Variants in LANCL2 observed in about 807,000 individuals in gnomAD.
The protein encoded by LANCL2 is LanC like glutathione S-transferase 2.
In LANCL2, 33 loss-of-function variants were observed where a neutral mutation model predicts 56.9. The ratio of observed to expected loss-of-function variants is 0.58; its 90% CI spans 0.44 to 0.78. The LOEUF is 0.78. LANCL2 is among the 30% of genes least tolerant of loss of function. The pLI is 0.00. For synonymous variants in LANCL2, 233 were observed against 228.2 expected, an observed-to-expected ratio of 1.02 and a Z score of -0.19; for missense variants, 562 against 580.2, an observed-to-expected ratio of 0.97 and a Z score of 0.32.
Position 55,401,185 on chromosome 7 carries a change from T to C in LANCL2, c.690T>C (p.Ala230=), listed in dbSNP as rs776682181. The change falls in exon 5 of 9, where the codon GCT becomes GCC. Residue 230 remains alanine, a synonymous_variant. Transcript: ENST00000254770. The stretch of plus-strand genomic sequence containing the variant: ...TGTTATCTCTGTAGGTAGTCAATGC[T>C]ATTATTGAATCGGGTAAGACTTTGT... ...CESAIKEVVN[A]IIESGKTLSR... 6.2e-7 allele frequency: 1 copy of C among 1,614,082 alleles called. No homozygotes were observed. The highest frequency in any genetic ancestry group is 8.5e-7 in the Non-Finnish European group (1 of 1,179,946).
intron 7 of LANCL2, 58 bp from the exon 8 acceptor site, chr7:55,428,313 CATTT>C: frequency 1.4e-6 from 2 of 1,433,674 alleles, no homozygotes; most frequent in East Asian, 4.5e-5. Flanking sequence ...ATTGCATTCT[CATTT>C]ATTGCCTTTT....
In LANCL2 at chr7:55,412,188, T is replaced by C. The variant is rs1246215722; in HGVS notation, c.1008+99T>C. ...TTGGTAAGGCCATTTGACTGTACAC[T>C]AAAAACCTTTTAGAATGATTGTTTT... On this transcript the variant is annotated intron_variant, in intron 6 of 8. Transcript: ENST00000254770. 2.6e-5 allele frequency: 28 copies of C among 1,070,904 alleles called. 1 individual carries two copies. The South Asian group carries it at 3.2e-4, about 12-fold the overall frequency. 66.3% of individuals were successfully genotyped at this position (1,070,904 alleles called of 1,614,324 possible). A position where few individuals can be genotyped will look rare whatever the true frequency, so the allele number is the denominator to read the frequency against.
At chr7:55,421,586 G>A (rs1304325701) in intron 6 of LANCL2, among the ~76,000 whole-genome samples, 1 of 152,000 alleles carries the variant, frequency 6.6e-6, no homozygotes, top group African/African-American at 2.4e-5. Flanking sequence ...CAGGTAATCC[G>A]CCAGCCTCGG....
chr7:55,407,090 A>G (rs1790416336), intron 5 of LANCL2, among the ~76,000 whole-genome samples: 3 of 152,202 alleles, frequency 2.0e-5, no homozygotes. Flanking sequence ...CAGTGGTTGG[A>G]CCTCTGTGAG....
intron 6 of LANCL2, among the ~76,000 whole-genome samples, chr7:55,415,752 TA>T (rs1205479521): frequency 1.3e-5 from 2 of 151,942 alleles, no homozygotes; most frequent in African/African-American, 4.8e-5. Context: ...TAGCTGGGAT[TA>T]CAGGCACACG....
chr7:55,378,277 T>C (rs1172620042), intron 1 of LANCL2, among the ~76,000 whole-genome samples: 1 of 152,064 alleles, frequency 6.6e-6, no homozygotes, highest in Non-Finnish European at 1.5e-5. Flanking sequence ...CTGGCCAACA[T>C]GGGGAAACCC....
At chr7:55,402,142 C>T (rs1414820936) in intron 5 of LANCL2, among the ~76,000 whole-genome samples, 10 of 148,558 alleles carry the variant, frequency 6.7e-5, no homozygotes, top group African/African-American at 4.9e-5. Flanking sequence ...CCCTCACCTC[C>T]CGGACGGGGC....
intron 5 of LANCL2, among the ~76,000 whole-genome samples, chr7:55,405,395 A>G (rs1490624029): frequency 1.3e-5 from 2 of 152,052 alleles, no homozygotes; most frequent in Non-Finnish European, 2.9e-5. Context: ...CTTTAGAGAC[A>G]CACCCAGACA....
At chr7:55,427,151 C>G (rs1466923140) in intron 7 of LANCL2, among the ~76,000 whole-genome samples, 1 of 152,134 alleles carries the variant, frequency 6.6e-6, no homozygotes, top group Non-Finnish European at 1.5e-5. Flanking sequence ...TGGGTAGAGG[C>G]CAGAGAAAGT....
chr7:55,421,405 C>T, intron 6 of LANCL2, among the ~76,000 whole-genome samples: 1 of 139,556 alleles, frequency 7.2e-6, no homozygotes, highest in Admixed American at 7.9e-5. Context: ...GTGGTGCAAT[C>T]TCAGCTCACT....
At chr7:55,385,870 GAGAC>G (rs775451244) in intron 1 of LANCL2, among the ~76,000 whole-genome samples, 9 of 152,186 alleles carry the variant, frequency 5.9e-5, no homozygotes, top group Non-Finnish European at 1.0e-4. Context: ...TCGACCATAA[GAGAC>G]AGGTACGCCT....
At chr7:55,414,854 C>T (rs920036055) in intron 6 of LANCL2, among the ~76,000 whole-genome samples, 27 of 151,284 alleles carry the variant, frequency 1.8e-4, no homozygotes, top group African/African-American at 5.6e-4. Context: ...TGTGGTGGCA[C>T]GCACCTGTAG....
chr7:55,399,562 T>C (rs56730283), intron 3 of LANCL2, among the ~76,000 whole-genome samples: 7,720 of 152,148 alleles, frequency 0.051, 658 homozygotes, highest in African/African-American at 0.17. Context: ...AGGCTGGTCT[T>C]GAACTCCTGA....
intron 6 of LANCL2, among the ~76,000 whole-genome samples, chr7:55,419,980 T>G (rs1790591292): frequency 6.6e-6 from 1 of 152,126 alleles, no homozygotes; most frequent in African/African-American, 2.4e-5. Context: ...TAGTGAGACC[T>G]CATCTCTACA....
At chr7:55,391,709 T>C in intron 1 of LANCL2, 84 bp from the exon 2 acceptor site, 6 of 755,174 alleles carry the variant, frequency 7.9e-6, no homozygotes, top group Non-Finnish European at 1.4e-5. Context: ...TCTGTTATGT[T>C]TGTACAACTT....
intron 1 of LANCL2, among the ~76,000 whole-genome samples, chr7:55,368,740 T>C (rs1351686845): frequency 6.6e-6 from 1 of 152,096 alleles, no homozygotes; most frequent in Non-Finnish European, 1.5e-5. Context: ...TCCTAACCCA[T>C]TGGAACCTCA....
At chr7:55,388,747 T>C (rs769760176) in intron 1 of LANCL2, among the ~76,000 whole-genome samples, 20 of 152,222 alleles carry the variant, frequency 1.3e-4, no homozygotes, top group Non-Finnish European at 2.2e-4. Context: ...GTGAGCTGTT[T>C]TCAACTGGAG....
At chr7:55,382,501 G>A (rs1005732225) in intron 1 of LANCL2, among the ~76,000 whole-genome samples, 14 of 152,142 alleles carry the variant, frequency 9.2e-5, no homozygotes, top group Admixed American at 9.2e-4. Context: ...ACTGGAGACC[G>A]GAGTTTTTTT....
intron 2 of LANCL2, among the ~76,000 whole-genome samples, chr7:55,393,561 CA>C (rs66917465): frequency 0.36 from 53,495 of 150,082 alleles, 9,919 homozygotes; most frequent in African/African-American, 0.43. Flanking sequence ...AACCAAAAAC[CA>C]AAAAAAAACA....
Sources: gnomAD v4.1 joint callset for allele counts (sites outside exome capture counted in the v4.1 genomes callset) on GRCh38, gnomAD v4.1.1 for gene constraint, MANE v1.5 for transcripts, NCBI Gene and HGNC (gene_info 2026-07-23, HGNC 2026-07-21) for gene names.